USP25: variants seen among roughly 807,000 people sequenced by gnomAD.
The protein encoded by USP25 is ubiquitin specific peptidase 25.
USP25 carries 85 observed loss-of-function variants against 158.5 expected under a neutral mutation model. That is an observed-to-expected ratio of 0.54 (90% CI 0.45 to 0.64). USP25 has a LOEUF of 0.64. Among genes scored for constraint, USP25 ranks in the 30% least tolerant of loss-of-function variants. The pLI, the probability that USP25 is intolerant of heterozygous loss-of-function variation, is 0.00. For synonymous variants in USP25, 464 were observed against 460.4 expected, an observed-to-expected ratio of 1.01 and a Z score of -0.10; for missense variants, 1,242 against 1,327.3, an observed-to-expected ratio of 0.94 and a Z score of 1.00.
intron 1 of USP25, among the ~76,000 whole-genome samples, chr21:15,737,057 A>G (rs1284592417): frequency 6.6e-6 from 1 of 151,930 alleles, no homozygotes; most frequent in Non-Finnish European, 1.5e-5. Context: ...TTCGTCTGAA[A>G]TCTGTGTTCT....
At chr21:15,762,457 T>A (rs540119449) in intron 1 of USP25, among the ~76,000 whole-genome samples, 1 of 152,312 alleles carries the variant, frequency 6.6e-6, no homozygotes, top group Non-Finnish European at 1.5e-5. Flanking sequence ...ATCTTCTTTT[T>A]AAAGTAGATC....
At chr21:15,837,851 G>A (rs1377692749) in intron 17 of USP25, among the ~76,000 whole-genome samples, 1 of 152,064 alleles carries the variant, frequency 6.6e-6, no homozygotes, top group African/African-American at 2.4e-5. Context: ...TTCCAGGAGA[G>A]TACGGTTGGA....
At chr21:15,799,085 T>G (rs1014751814) in intron 5 of USP25, among the ~76,000 whole-genome samples, 1 of 151,310 alleles carries the variant, frequency 6.6e-6, no homozygotes, top group African/African-American at 2.4e-5. Context: ...TATGATACAT[T>G]GTGATATTTT....
chr21:15,757,221 C>T (rs2033437700), intron 1 of USP25, among the ~76,000 whole-genome samples: 1 of 152,178 alleles, frequency 6.6e-6, no homozygotes, highest in Non-Finnish European at 1.5e-5. Flanking sequence ...GAGGTGGCTT[C>T]TCTAACTTAA....
At chr21:15,772,882 T>C (rs2034436786) in intron 3 of USP25, among the ~76,000 whole-genome samples, 1 of 152,170 alleles carries the variant, frequency 6.6e-6, no homozygotes, top group Non-Finnish European at 1.5e-5. Context: ...GTGTGGACCG[T>C]ATGTGAGGGA....
At chr21:15,743,722 G>A (rs534415402) in intron 1 of USP25, among the ~76,000 whole-genome samples, 2 of 152,226 alleles carry the variant, frequency 1.3e-5, no homozygotes, top group East Asian at 3.9e-4. Context: ...TGAAGGTCAG[G>A]TTTCACCAGG....
At chr21:15,859,590 C>T (rs1257267671) in intron 20 of USP25, among the ~76,000 whole-genome samples, 1 of 152,034 alleles carries the variant, frequency 6.6e-6, no homozygotes, top group African/African-American at 2.4e-5. Flanking sequence ...TCGAAAACAT[C>T]GTGGGCTTGA....
chr21:15,860,662 G>C (rs1347479899), intron 20 of USP25, among the ~76,000 whole-genome samples: 2 of 151,984 alleles, frequency 1.3e-5, no homozygotes, highest in Non-Finnish European at 2.9e-5. Flanking sequence ...CAGTCCTCTG[G>C]AATTTGAAGT....
At chr21:15,760,352 A>G (rs2033653820) in intron 1 of USP25, among the ~76,000 whole-genome samples, 2 of 152,194 alleles carry the variant, frequency 1.3e-5, no homozygotes, top group South Asian at 4.1e-4. Context: ...AGTGACAAAC[A>G]TTCTGATGCA....
intron 5 of USP25, chr21:15,799,522 T>C: frequency 3.1e-6 from 1 of 321,892 alleles, no homozygotes; most frequent in Non-Finnish European, 5.8e-6. Flanking sequence ...TAATGAGTAG[T>C]ATATTTAAAA....
chr21:15,765,932 TA>T (rs1395929629), intron 2 of USP25, 64 bp from the exon 3 acceptor site: 1 of 1,520,846 alleles, frequency 6.6e-7, no homozygotes, highest in African/African-American at 1.4e-5. Flanking sequence ...GAGAATATTG[TA>T]TAACTTTTTT....
intron 16 of USP25, among the ~76,000 whole-genome samples, chr21:15,832,861 C>CA (rs1241532859): frequency 6.6e-6 from 1 of 151,818 alleles, no homozygotes; most frequent in Non-Finnish European, 1.5e-5. Flanking sequence ...ACTAAAAATA[C>CA]AAAAAAATTA....
chr21:15,785,133 T>C (rs962969038), intron 4 of USP25, among the ~76,000 whole-genome samples: 5 of 152,114 alleles, frequency 3.3e-5, no homozygotes, highest in Non-Finnish European at 5.9e-5. Flanking sequence ...CAATAGACTT[T>C]AAGTCAAAAA....
rs202005128 is a variant in USP25, at chr21:15,799,802, A to G, written c.601A>G (p.Lys201Glu). The G allele has an allele frequency of 6.2e-7, 1 of 1,601,922 alleles. No homozygotes were observed. The highest frequency in any genetic ancestry group is 2.2e-5 in the East Asian group (1 of 44,632). ...ATTTAGAAGATTAGTTCTGAATTAC[A>G]AGCCTCCATCAAATGCTCAAGATTT... ...LEFRRLVLNY[K>E]PPSNAQDLPR... The change falls in exon 6 of 26, where the codon AAG (lysine) becomes GAG (glutamate). Residue 201 changes from lysine (K) to glutamate (E), a missense_variant. By Grantham distance (56) the Lys-to-Glu change is moderately conservative. Transcript: ENST00000400183.
At chr21:15,791,986 G>A (rs1230458624) in intron 5 of USP25, among the ~76,000 whole-genome samples, 5 of 151,658 alleles carry the variant, frequency 3.3e-5, no homozygotes, top group Non-Finnish European at 7.4e-5. Context: ...TGGAAGCATT[G>A]TAACCAAGTT....
In USP25 at chr21:15,833,597, T is replaced by G. The variant is rs986374315; in HGVS notation, c.2194+49T>G. 3.3e-6 allele frequency: 5 copies of G among 1,493,126 alleles called. No individual in the cohort carries two copies. In the African/African-American group the frequency reaches 4.3e-5, roughly 13 times the overall value. The allele number at this position is 1,493,126 out of a possible 1,614,324, so 92.5% of individuals were successfully genotyped here. A position where few individuals can be genotyped will look rare whatever the true frequency, so the allele number is the denominator to read the frequency against. On this transcript the variant is annotated intron_variant, in intron 17 of 25. Transcript: ENST00000400183. The stretch of plus-strand genomic sequence containing the variant: ...TGTTTGATTATCAATATTATTTTTA[T>G]AATAAGATATGCTCATTATTAAAAA...
intron 17 of USP25, among the ~76,000 whole-genome samples, chr21:15,835,056 C>T (rs2037996937): frequency 6.6e-6 from 1 of 152,224 alleles, no homozygotes; most frequent in South Asian, 2.1e-4. Flanking sequence ...CTCCTCAGAA[C>T]CTGCCCCAAG....
At chr21:15,769,188 G>A (rs1033364707) in intron 3 of USP25, among the ~76,000 whole-genome samples, 5 of 151,976 alleles carry the variant, frequency 3.3e-5, no homozygotes, top group Non-Finnish European at 5.9e-5. Context: ...AAAACAATTT[G>A]TGAGCCTTCC....
intron 21 of USP25, among the ~76,000 whole-genome samples, chr21:15,865,878 G>C (rs2039633592): frequency 6.6e-6 from 1 of 152,040 alleles, no homozygotes; most frequent in Admixed American, 6.6e-5. Context: ...GCACGTTTTA[G>C]ACTCTTTAGT....
Sources: allele counts gnomAD v4.1 joint callset (sites outside exome capture counted in the v4.1 genomes callset), GRCh38; gene constraint gnomAD v4.1.1; transcripts MANE v1.5; gene names NCBI Gene and HGNC (gene_info 2026-07-23, HGNC 2026-07-21).